CFAP47: variants seen among roughly 807,000 people sequenced by gnomAD.
The protein encoded by CFAP47 is cilia- and flagella-associated protein 47.
CFAP47 carries 29 observed loss-of-function variants against 148.1 expected under a neutral mutation model. The observed-to-expected ratio is 0.20, with a 90% CI of 0.15 to 0.27. The LOEUF (loss-of-function observed/expected upper bound fraction) is 0.27. Ranked by LOEUF, CFAP47 falls within the 10% of genes least tolerant of loss-of-function variation. The pLI is 1.00. For synonymous variants in CFAP47, 664 were observed against 577.3 expected, an observed-to-expected ratio of 1.15 and a Z score of -2.15; for missense variants, 1,872 against 1,697.5, an observed-to-expected ratio of 1.10 and a Z score of -1.81.
chrX:35,972,403 T>G (rs115932760), intron 13 of CFAP47, among the ~76,000 whole-genome samples: 3,348 of 110,413 alleles, frequency 0.03, 163 homozygotes, highest in African/African-American at 0.1. Flanking sequence ...GCTAAGTTTT[T>G]GTATTTTTAA....
intron 30 of CFAP47, among the ~76,000 whole-genome samples, chrX:36,098,100 G>T: frequency 9.0e-6 from 1 of 111,707 alleles, no homozygotes; most frequent in Admixed American, 9.5e-5. Context: ...AAAGACTGAT[G>T]CATTCTTTAG....
intron 25 of CFAP47, among the ~76,000 whole-genome samples, chrX:36,043,957 G>A (rs1354380617): frequency 1.8e-5 from 2 of 113,139 alleles, no homozygotes; most frequent in East Asian, 5.6e-4. Flanking sequence ...AATCTAGGCA[G>A]AGGTTCCCAA....
intron 49 of CFAP47, among the ~76,000 whole-genome samples, chrX:36,261,995 G>T (rs782525893): frequency 8.9e-6 from 1 of 112,172 alleles, no homozygotes; most frequent in Non-Finnish European, 1.9e-5. Flanking sequence ...CTGGCCGGGC[G>T]GGGGCTGACC....
At chrX:36,164,097 C>T (rs906249519) in intron 39 of CFAP47, among the ~76,000 whole-genome samples, 2 of 111,083 alleles carry the variant, frequency 1.8e-5, no homozygotes, top group African/African-American at 3.3e-5. Context: ...TGTTTTATGG[C>T]GTATCATAAG....
intron 33 of CFAP47, among the ~76,000 whole-genome samples, chrX:36,125,917 G>A (rs1051328628): frequency 7.2e-5 from 8 of 110,654 alleles, no homozygotes; most frequent in Non-Finnish European, 1.5e-4. Context: ...CTATGCCTGC[G>A]TTATAAATAT....
intron 42 of CFAP47, 41 bp downstream of exon 42, chrX:36,190,237 C>A: frequency 3.4e-6 from 1 of 295,423 alleles, no homozygotes; most frequent in African/African-American, 2.7e-5. Flanking sequence ...CACGAGCTGT[C>A]ACTTTAATGG....
At chrX:36,150,415 T>C (rs1244816670) in intron 37 of CFAP47, among the ~76,000 whole-genome samples, 1 of 112,247 alleles carries the variant, frequency 8.9e-6, no homozygotes, top group African/African-American at 3.2e-5. Flanking sequence ...GTTGACAAAT[T>C]TGATAACTAC....
At chrX:36,061,976 T>C (rs1026872093) in intron 26 of CFAP47, among the ~76,000 whole-genome samples, 1 of 112,035 alleles carries the variant, frequency 8.9e-6, no homozygotes, top group African/African-American at 3.2e-5. Context: ...AACCTCTTCT[T>C]TTAACCCTTC....
intron 22 of CFAP47, among the ~76,000 whole-genome samples, chrX:36,024,776 T>C (rs1200616853): frequency 2.7e-5 from 3 of 111,555 alleles, no homozygotes; most frequent in Non-Finnish European, 5.6e-5. Context: ...ATGTCAGTGA[T>C]TCATGACTGT....
chrX:36,291,680 CT>C (rs1556005572), intron 51 of CFAP47, among the ~76,000 whole-genome samples: 1 of 110,212 alleles, frequency 9.1e-6, no homozygotes, highest in Non-Finnish European at 1.9e-5. Context: ...GAATTACCCC[CT>C]GGGGTACCCC....
At chrX:35,923,356 A>G (rs1410804919) in intron 1 of CFAP47, among the ~76,000 whole-genome samples, 1 of 111,924 alleles carries the variant, frequency 8.9e-6, no homozygotes, top group Non-Finnish European at 1.9e-5. Context: ...TGCTTGACAC[A>G]TTATAAATGC....
At chrX:36,175,522 G>A (rs781702790) in intron 39 of CFAP47, among the ~76,000 whole-genome samples, 11 of 111,555 alleles carry the variant, frequency 9.9e-5, no homozygotes, top group South Asian at 3.8e-4. Context: ...CTAACAGACC[G>A]GACCCTCAGC....
chrX:36,246,573 A>G (rs782760112), intron 48 of CFAP47, among the ~76,000 whole-genome samples: 1 of 111,477 alleles, frequency 9.0e-6, no homozygotes, highest in Non-Finnish European at 1.9e-5. Context: ...AGATCTCATG[A>G]GAATTCACTC....
chrX:36,090,823 C>CA (rs35219277), intron 30 of CFAP47, among the ~76,000 whole-genome samples: 28,816 of 110,709 alleles, frequency 0.26, 5,195 homozygotes, highest in African/African-American at 0.64. Flanking sequence ...ATCTACTCTG[C>CA]ATAAATGAGC....
chrX:35,971,880 A>T lies in CFAP47; in HGVS notation c.2169A>T (p.Gly723=), dbSNP rs1166000613. 1 of 1,198,498 alleles carries T rather than the reference A, an allele frequency of 8.3e-7. No homozygotes were observed. Among genetic ancestry groups the T allele is most frequent in the Admixed American group, 2.2e-5 (1 of 45,466 alleles). ...EESVRRKVLK[G]LKSEPSTPQE... ...ATGATTTTTTACAGGTTCTCAAAGGACTTAAATCAGAACCATCCACTCCAC... is the reference window on the plus strand; with the variant it reads ...ATGATTTTTTACAGGTTCTCAAAGGTCTTAAATCAGAACCATCCACTCCAC... Residue 723 remains glycine, a synonymous_variant, in exon 13 of 64, where the codon GGA becomes GGT. Transcript: ENST00000378653.
intron 42 of CFAP47, among the ~76,000 whole-genome samples, chrX:36,199,933 T>TA (rs1435956043): frequency 8.9e-6 from 1 of 111,745 alleles, no homozygotes; most frequent in Non-Finnish European, 1.9e-5. Context: ...TTATTTTTTC[T>TA]AAAAAAAATT....
intron 52 of CFAP47, among the ~76,000 whole-genome samples, chrX:36,300,832 T>C (rs1245022751): frequency 2.7e-5 from 3 of 112,476 alleles, no homozygotes; most frequent in African/African-American, 9.7e-5. Flanking sequence ...CCAACAGGCA[T>C]TTATTAAACA....
chrX:36,246,994 A>G (rs1940623791), intron 48 of CFAP47, among the ~76,000 whole-genome samples: 1 of 111,524 alleles, frequency 9.0e-6, no homozygotes, highest in Non-Finnish European at 1.9e-5. Context: ...TTGCAGTACT[A>G]TTCACAGTAG....
intron 62 of CFAP47, among the ~76,000 whole-genome samples, chrX:36,372,073 T>A (rs1941976530): frequency 9.3e-6 from 1 of 107,162 alleles, no homozygotes; most frequent in Non-Finnish European, 1.9e-5. Context: ...GCTAAATACA[T>A]ATAATTTAAG....
Sources: gnomAD v4.1 joint callset for allele counts (sites outside exome capture counted in the v4.1 genomes callset) on GRCh38, gnomAD v4.1.1 for gene constraint, MANE v1.5 for transcripts, NCBI Gene and HGNC (gene_info 2026-07-23, HGNC 2026-07-21) for gene names.